Variants in ANKRD30B observed in about 807,000 individuals in gnomAD.
ANKRD30B encodes the protein ankyrin repeat domain 30B.
Under a neutral mutation model 202.2 loss-of-function variants are expected in ANKRD30B, and 144 were observed. That is an observed-to-expected ratio of 0.71 (90% CI 0.62 to 0.82). The LOEUF is 0.82. Among genes scored for constraint, ANKRD30B ranks in the 40% least tolerant of loss-of-function variants. The pLI, the probability that ANKRD30B is intolerant of heterozygous loss-of-function variation, is 0.00. For missense variants in ANKRD30B, 1,487 were observed against 1,669.1 expected (o/e 0.89, Z 1.90); for synonymous variants, 508 against 561.3 (o/e 0.91, Z 1.34).
At chr18:14,905,066 C>T in the ANKRD30B span, among the ~76,000 whole-genome samples, 1 of 152,176 alleles carries the variant, frequency 6.6e-6, no homozygotes, top group African/African-American at 2.4e-5. Flanking sequence ...TTCTTCACTG[C>T]TACACTCCCA....
the ANKRD30B span, among the ~76,000 whole-genome samples, chr18:14,925,007 G>A: frequency 2.0e-5 from 3 of 152,210 alleles, no homozygotes; most frequent in Non-Finnish European, 2.9e-5. Context: ...AGCACTGAAT[G>A]GGGCAGAATT....
At position 14,807,929 on chromosome 18, in the gene ANKRD30B, TA is replaced by T. The variant is rs1348784535; in HGVS notation, c.2285-621del. On this transcript the variant is annotated intron_variant, in intron 24 of 43. Transcript: ENST00000690538. ...CCAGAGAACCCCATAAATGTAAAAATACTCCTATATCACAGAGTATCAAAAA... is the reference window on the plus strand; with the variant it reads ...CCAGAGAACCCCATAAATGTAAAAATCTCCTATATCACAGAGTATCAAAAA... Among the ~76,000 whole-genome samples the T allele has an allele frequency of 1.3e-5, 2 of 150,976 alleles. 1 individual carries two copies. Among genetic ancestry groups the T allele is most frequent in the Non-Finnish European group, 3.0e-5 (2 of 67,766 alleles).
At chr18:14,797,215 C>G (rs1188151339) in intron 18 of ANKRD30B, among the ~76,000 whole-genome samples, 2 of 152,088 alleles carry the variant, frequency 1.3e-5, no homozygotes, top group African/African-American at 2.4e-5. Context: ...GGTACCCCCC[C>G]ATGCGTCTGT....
the ANKRD30B span, among the ~76,000 whole-genome samples, chr18:14,861,725 T>C: frequency 6.6e-6 from 1 of 151,346 alleles, no homozygotes; most frequent in East Asian, 1.9e-4. Flanking sequence ...GTTAGGCAGA[T>C]TATTAGGCAG....
chr18:14,911,346 A>G, the ANKRD30B span, among the ~76,000 whole-genome samples: 1 of 152,104 alleles, frequency 6.6e-6, no homozygotes, highest in African/African-American at 2.4e-5. Flanking sequence ...GCATAGGGCA[A>G]TCCAATTTTA....
chr18:14,793,767 G>T (rs1968683801), intron 16 of ANKRD30B, among the ~76,000 whole-genome samples: 1 of 151,724 alleles, frequency 6.6e-6, no homozygotes, highest in African/African-American at 2.4e-5. Flanking sequence ...GGCGGTGGGT[G>T]CCTGTAGTCC....
chr18:14,887,223 A>AC, the ANKRD30B span, among the ~76,000 whole-genome samples: 1 of 152,056 alleles, frequency 6.6e-6, no homozygotes, highest in East Asian at 1.9e-4. Context: ...CTGTAGGCTG[A>AC]CCTCAAGCCT....
chr18:14,864,642 C>A, the ANKRD30B span, among the ~76,000 whole-genome samples: 3 of 151,938 alleles, frequency 2.0e-5, no homozygotes, highest in Middle Eastern at 3.4e-3. Flanking sequence ...CCCTGGCCAG[C>A]CTTTTTTCCA....
chr18:14,869,982 C>T, the ANKRD30B span, among the ~76,000 whole-genome samples: 8 of 151,712 alleles, frequency 5.3e-5, no homozygotes, highest in South Asian at 2.1e-4. Flanking sequence ...ATTACAGGCA[C>T]GGGCCACCAC....
intron 3 of ANKRD30B, among the ~76,000 whole-genome samples, chr18:14,753,476 A>G (rs1176578189): frequency 6.6e-6 from 1 of 152,192 alleles, no homozygotes; most frequent in Non-Finnish European, 1.5e-5. Context: ...CCAGTTTGCC[A>G]CTGTGCCCAC....
the ANKRD30B span, among the ~76,000 whole-genome samples, chr18:14,873,210 A>G: frequency 6.6e-6 from 1 of 152,144 alleles, no homozygotes; most frequent in African/African-American, 2.4e-5. Context: ...TGTTTAAACA[A>G]TATGTATATC....
intron 7 of ANKRD30B, among the ~76,000 whole-genome samples, chr18:14,765,181 C>T (rs1915912515): frequency 6.6e-6 from 1 of 152,058 alleles, no homozygotes; most frequent in Non-Finnish European, 1.5e-5. Flanking sequence ...TGTTAGACCG[C>T]TGGGTGTGGT....
At chr18:14,830,921 G>A (rs866299504) in intron 33 of ANKRD30B, among the ~76,000 whole-genome samples, 2 of 151,880 alleles carry the variant, frequency 1.3e-5, no homozygotes, top group East Asian at 1.9e-4. Context: ...GGTGGCTCAC[G>A]CCTGTAATCC....
the ANKRD30B span, among the ~76,000 whole-genome samples, chr18:14,864,194 G>T: frequency 6.6e-6 from 1 of 151,956 alleles, no homozygotes; most frequent in Non-Finnish European, 1.5e-5. Flanking sequence ...AATTAGCTGG[G>T]CGTCGTGGTG....
intron 36 of ANKRD30B, 105 bp from the exon 37 acceptor site, chr18:14,840,483 G>A (rs1971371604): frequency 2.4e-6 from 1 of 425,018 alleles, no homozygotes. Flanking sequence ...AGGTTGCAAT[G>A]AGCCAAGATC....
chr18:14,816,703 G>T (rs1417156580), intron 30 of ANKRD30B: 1 of 151,534 alleles, frequency 6.6e-6, no homozygotes, highest in Non-Finnish European at 1.5e-5. Context: ...CAAAGACTTG[G>T]AACCAAACCA....
At chr18:14,931,339 G>A in the ANKRD30B span, among the ~76,000 whole-genome samples, 3 of 151,976 alleles carry the variant, frequency 2.0e-5, no homozygotes, top group Non-Finnish European at 2.9e-5. Context: ...TCTAGAACAA[G>A]GACGAGTATT....
intron 40 of ANKRD30B, among the ~76,000 whole-genome samples, chr18:14,849,421 C>T (rs1244308452): frequency 1.3e-5 from 2 of 151,704 alleles, no homozygotes; most frequent in Non-Finnish European, 3.0e-5. Flanking sequence ...CCATTCTTCT[C>T]TCTCCAAGAA....
Position 14,748,324 on chromosome 18 carries a change from T to G in ANKRD30B, c.-96T>G, listed in dbSNP as rs887763433. 9.0e-6 allele frequency: 9 copies of G among 1,004,702 alleles called. No individual in the cohort carries two copies. Among genetic ancestry groups the G allele is most frequent in the Admixed American group, 7.2e-5 (2 of 27,752 alleles). The allele number at this position is 1,004,702 out of a possible 1,614,324, so 62.2% of individuals were successfully genotyped here. A position where few individuals can be genotyped will look rare whatever the true frequency, so the allele number is the denominator to read the frequency against. On this transcript the variant is annotated 5_prime_UTR_variant, in exon 1 of 44. Transcript: ENST00000690538. ...CGGGCGAGTGCGAGCCGGGGGCGGG[T>G]GCTGGGGAAGGGTAAGCGGGAAGCG...
Sources: allele counts gnomAD v4.1 joint callset (sites outside exome capture counted in the v4.1 genomes callset), GRCh38; gene constraint gnomAD v4.1.1; transcripts MANE v1.5; gene names NCBI Gene and HGNC (gene_info 2026-07-23, HGNC 2026-07-21).